STAG3: variants seen among roughly 807,000 people sequenced by gnomAD.
STAG3 encodes the protein cohesin subunit SA-3.
A neutral mutation model predicts 160.7 loss-of-function variants in STAG3; 101 were observed. The observed-to-expected ratio is 0.63, with a 90% CI of 0.54 to 0.74. STAG3 has a LOEUF of 0.74. STAG3 is among the 30% of genes least tolerant of loss of function. The probability of loss-of-function intolerance (pLI) is 0.00; values close to 1 mark genes in which losing one functional copy is unlikely to be tolerated. For missense variants in STAG3, 1,188 were observed against 1,517.4 expected, an observed-to-expected ratio of 0.78 and a Z score of 3.61; for synonymous variants, 519 against 585.0, an observed-to-expected ratio of 0.89 and a Z score of 1.63.
chr7:100,208,193 G>A (rs1237494322), intron 29 of STAG3, among the ~76,000 whole-genome samples: 1 of 151,954 alleles, frequency 6.6e-6, no homozygotes, highest in African/African-American at 2.4e-5. Flanking sequence ...TGTATATAGT[G>A]TGAGATGAGG....
At position 100,213,755 on chromosome 7, in the gene STAG3, C is replaced by T; in HGVS notation, c.3621C>T (p.Ser1207=). Residue 1207 remains serine (S), a synonymous_variant, in exon 33 of 34, where the codon TCC becomes TCT. Coordinates refer to ENST00000615138, the MANE Select transcript of STAG3 (RefSeq NM_001282717.2). ...TCTAGCAAGCAAGTAGCTACTCTTCCACCAGTGAGCGCGGGCTGGACCTCT... is the reference window on the plus strand; with the variant it reads ...TCTAGCAAGCAAGTAGCTACTCTTCTACCAGTGAGCGCGGGCTGGACCTCT... ...DTDMQASSYS[S]TSERGLDLLD... The T allele has an allele frequency of 6.2e-7, 1 of 1,614,228 alleles. No individual in the cohort carries two copies.
intron 25 of STAG3, among the ~76,000 whole-genome samples, chr7:100,203,465 GCCA>G (rs1200230067): frequency 1.3e-5 from 2 of 151,066 alleles, no homozygotes; most frequent in Non-Finnish European, 3.0e-5. Context: ...ATAGGCGTGA[GCCA>G]CCATGCCTGG....
chr7:100,195,138 A>C (rs1173781820), intron 8 of STAG3, among the ~76,000 whole-genome samples, 171 bp from the exon 9 acceptor site: 2 of 152,260 alleles, frequency 1.3e-5, no homozygotes. Flanking sequence ...TTAGTTGACT[A>C]TACAGCTTCT....
chr7:100,192,621 C>G (rs368331905), intron 8 of STAG3, among the ~76,000 whole-genome samples: 5 of 152,204 alleles, frequency 3.3e-5, no homozygotes, highest in Non-Finnish European at 5.9e-5. Context: ...GACAGGGTCT[C>G]GCTCTGTTGC....
intron 5 of STAG3, among the ~76,000 whole-genome samples, chr7:100,187,400 T>C (rs961674883): frequency 6.6e-6 from 1 of 152,086 alleles, no homozygotes; most frequent in African/African-American, 2.4e-5. Context: ...TCCTTTTTTT[T>C]TTTTTGAAAC....
chr7:100,205,321 G>T lies in STAG3; in HGVS notation c.3175G>T (p.Val1059Leu), dbSNP rs1232471074. The T allele has an allele frequency of 6.2e-7, 1 of 1,614,060 alleles. No homozygotes were observed. The highest frequency in any genetic ancestry group is 8.5e-7 in the Non-Finnish European group (1 of 1,180,028). The stretch of plus-strand genomic sequence containing the variant: ...CACCTACTGCCACTCCCTCAGCCCT[G>T]TGGAGAACACAGCAGAGACCAGCCC... The part of the protein sequence containing the change: ...VTTYCHSLSP[V>L]ENTAETSPQV... Residue 1059 changes from valine (V) to leucine (L), a missense_variant, in exon 29 of 34, where the codon GTG (valine) becomes TTG (leucine). Physicochemically the swap from Val to Leu is conservative, Grantham distance 32. Coordinates refer to ENST00000615138, the MANE Select transcript of STAG3 (RefSeq NM_001282717.2).
chr7:100,209,882 G>A (rs1188090563), intron 29 of STAG3, among the ~76,000 whole-genome samples: 2 of 152,242 alleles, frequency 1.3e-5, no homozygotes, highest in Non-Finnish European at 2.9e-5. Flanking sequence ...GGGGAAGGCA[G>A]AGAGTGAAGA....
Position 100,198,535 on chromosome 7 carries a change from C to G in STAG3, c.1305C>G (p.Ala435=). The G allele has an allele frequency of 6.2e-7, 1 of 1,614,166 alleles. No individual in the cohort carries two copies. ...DCESVYPVVY[A]SHRGLASAAG... is the part of the protein sequence containing the mutation. ...AGAGCGTCTACCCAGTTGTGTATGCCTCTCATCGAGGCCTGGCCTCTGCCG... is the reference window on the plus strand; with the variant it reads ...AGAGCGTCTACCCAGTTGTGTATGCGTCTCATCGAGGCCTGGCCTCTGCCG... Residue 435 remains alanine (A), a synonymous_variant, in exon 13 of 34, where the codon GCC becomes GCG. Transcript: ENST00000615138.
Position 100,204,890 on chromosome 7 carries a change from T to C in STAG3, c.2951+115T>C, listed in dbSNP as rs528551713. 7 of 1,574,820 alleles carry C rather than the reference T, an allele frequency of 4.4e-6. No individual in the cohort carries two copies. The African/African-American group carries it at 8.1e-5, about 18-fold the overall frequency. ...GCATAGCAGTCAGGTTAGGGGTGGGTATGCCTTTGGAGACAAGCTGGGGAC... is the reference window on the plus strand; with the variant it reads ...GCATAGCAGTCAGGTTAGGGGTGGGCATGCCTTTGGAGACAAGCTGGGGAC... On this transcript the variant is annotated intron_variant, in intron 27 of 33. Coordinates refer to ENST00000615138, the MANE Select transcript of STAG3 (RefSeq NM_001282717.2).
intron 4 of STAG3, among the ~76,000 whole-genome samples, chr7:100,183,061 T>C (rs1425537322): frequency 9.2e-5 from 14 of 152,158 alleles, no homozygotes; most frequent in Admixed American, 9.2e-4. Context: ...TCGCCCAGGC[T>C]GGAGTGCAGT....
intron 19 of STAG3, 56 bp from the exon 20 acceptor site, chr7:100,201,034 A>T: frequency 6.2e-7 from 1 of 1,613,920 alleles, no homozygotes; most frequent in Non-Finnish European, 8.5e-7. Context: ...AAGACGGGGG[A>T]TGTGGACTGA....
In STAG3 at chr7:100,212,368, G is replaced by C. The variant is rs563706378; in HGVS notation, c.3600+492G>C. On this transcript the variant is annotated intron_variant, in intron 32 of 33. Coordinates refer to ENST00000615138, the MANE Select transcript of STAG3 (RefSeq NM_001282717.2). ...TAGTGGGAAAAGCCTGGCATTTGGA[G>C]TGAGGTGACATGAGTGCTAGTCCTC... 2.4e-4 allele frequency: 37 copies of C among 155,006 alleles called. No individual in the cohort carries two copies. The South Asian group carries it at 3.5e-3, about 15-fold the overall frequency. 9.6% of individuals were successfully genotyped at this position (155,006 alleles called of 1,614,324 possible).
chr7:100,216,288 T>C (rs1338047788), downstream of STAG3, among the ~76,000 whole-genome samples: 1 of 152,100 alleles, frequency 6.6e-6, no homozygotes, highest in African/African-American at 2.4e-5. Flanking sequence ...TTTGGACATT[T>C]GTATCAGTTT....
intron 10 of STAG3, 28 bp from the exon 11 acceptor site, chr7:100,197,750 C>T: frequency 1.9e-6 from 3 of 1,580,120 alleles, no homozygotes; most frequent in Non-Finnish European, 1.7e-6. Context: ...GTCTTATTTC[C>T]ATTCTCCTGG....
chr7:100,199,390 G>A (rs773610101), intron 15 of STAG3, 23 bp downstream of exon 15: 12 of 1,603,344 alleles, frequency 7.5e-6, no homozygotes, highest in Non-Finnish European at 2.6e-6. Context: ...CGGAGCCAGG[G>A]ACAGGGACCT....
At chr7:100,215,148 G>A (rs1802647656), downstream of STAG3, 1 of 152,220 alleles carries the variant, frequency 6.6e-6, no homozygotes, top group Admixed American at 6.5e-5. Flanking sequence ...TGTGGTTTAA[G>A]GAATGCTTCA....
chr7:100,188,578 A>T, intron 6 of STAG3, 49 bp downstream of exon 6: 1 of 1,367,588 alleles, frequency 7.3e-7, no homozygotes. Flanking sequence ...TTCAAAACAC[A>T]ATGCCTATTA....
intron 2 of STAG3, 150 bp downstream of exon 2, chr7:100,180,822 C>G (rs1799599254): frequency 3.4e-6 from 2 of 585,882 alleles, no homozygotes; most frequent in Non-Finnish European, 6.1e-6. Flanking sequence ...CCCTCCAGCT[C>G]CAGGTGTTTT....
At chr7:100,217,085 A>T (rs1802823058), downstream of STAG3, among the ~76,000 whole-genome samples, 1 of 152,238 alleles carries the variant, frequency 6.6e-6, no homozygotes, top group Non-Finnish European at 1.5e-5. Flanking sequence ...TACTGATCGT[A>T]TTCCAAGGGA....
Sources: allele counts gnomAD v4.1 joint callset (sites outside exome capture counted in the v4.1 genomes callset), GRCh38; gene constraint gnomAD v4.1.1; transcripts MANE v1.5; gene names NCBI Gene and HGNC (gene_info 2026-07-23, HGNC 2026-07-21).